The following BTRC variants were observed in gnomAD, a reference collection of about 807,000 sequenced individuals.
BTRC encodes the protein F-box/WD repeat-containing protein 1A.
BTRC carries 42 observed loss-of-function variants against 85.5 expected under a neutral mutation model. The ratio of observed to expected loss-of-function variants is 0.49; its 90% CI spans 0.38 to 0.64. BTRC has a LOEUF of 0.64. BTRC is among the 30% of genes least tolerant of loss of function. The pLI, the probability that BTRC is intolerant of heterozygous loss-of-function variation, is 0.00. For synonymous variants in BTRC, 255 were observed against 263.3 expected, an observed-to-expected ratio of 0.97 and a Z score of 0.30; for missense variants, 594 against 743.5, an observed-to-expected ratio of 0.80 and a Z score of 2.34.
Position 101,474,858 on chromosome 10 carries a change from A to T in BTRC, c.235-4510A>T, listed in dbSNP as rs1945635257. Among the ~76,000 whole-genome samples, 6 of 152,186 alleles carry T rather than the reference A, an allele frequency of 3.9e-5. No homozygotes were observed. In the South Asian group the frequency reaches 1.2e-3, roughly 32 times the overall value. On this transcript the variant is annotated intron_variant, in intron 3 of 14. Coordinates refer to ENST00000370187, the MANE Select transcript of BTRC (RefSeq NM_033637.4). ...TTCCGTCTTTTTTAAGTCGATCTCCAGTGCCTTTATGTAGCTTTAAAATGT... is the reference window on the plus strand; with the variant it reads ...TTCCGTCTTTTTTAAGTCGATCTCCTGTGCCTTTATGTAGCTTTAAAATGT...
chr10:101,389,372 AAC>A lies in BTRC; in HGVS notation c.48+35146_48+35147del, dbSNP rs1391027357. Among the ~76,000 whole-genome samples, 11 of 152,014 alleles carry A rather than the reference AAC, an allele frequency of 7.2e-5. No individual in the cohort carries two copies. In the South Asian group the frequency reaches 2.1e-3, roughly 29 times the overall value. On this transcript the variant is annotated intron_variant, in intron 1 of 14. Coordinates refer to ENST00000370187, the MANE Select transcript of BTRC (RefSeq NM_033637.4). ...TATCATTTCTTTTATGGAAAAGTTT[AAC>A]AGTTTTCTAGCTACTCTCCCCTTTA...
intron 4 of BTRC, among the ~76,000 whole-genome samples, chr10:101,483,131 G>C: frequency 6.6e-6 from 1 of 152,122 alleles, no homozygotes; most frequent in East Asian, 1.9e-4. Context: ...TACCTTGATT[G>C]TAACTCTTTG....
Position 101,557,245 on chromosome 10 carries a change from G to C in BTRC, c.*4122G>C, listed in dbSNP as rs1443317218. The C allele has an allele frequency of 6.6e-6, 1 of 152,114 alleles. No individual in the cohort carries two copies. The highest frequency in any genetic ancestry group is 1.9e-4 in the East Asian group (1 of 5,204). The allele number at this position is 152,114 out of a possible 1,614,324, so 9.4% of individuals were successfully genotyped here. The stretch of plus-strand genomic sequence containing the variant: ...GTTCACAACCTAGGATCATGATAAT[G>C]GAGTGTGTTTTGGGTTTTTTTTAAC... On this transcript the variant is annotated 3_prime_UTR_variant, in exon 15 of 15. Transcript: ENST00000370187.
chr10:101,515,489 T>G (rs2062011439), intron 4 of BTRC, among the ~76,000 whole-genome samples: 1 of 151,442 alleles, frequency 6.6e-6, no homozygotes, highest in Non-Finnish European at 1.5e-5. Flanking sequence ...AGTTTTCAAT[T>G]TATAAGTATT....
chr10:101,381,529 T>A (rs1942927667), intron 1 of BTRC, among the ~76,000 whole-genome samples: 2 of 152,234 alleles, frequency 1.3e-5, no homozygotes, highest in Non-Finnish European at 2.9e-5. Context: ...AAGTTATATG[T>A]GAACTGTAGA....
At chr10:101,537,185 A>G (rs2062399158) in intron 12 of BTRC, among the ~76,000 whole-genome samples, 2 of 152,142 alleles carry the variant, frequency 1.3e-5, no homozygotes, top group South Asian at 4.1e-4. Context: ...GAATCCATTA[A>G]TTTTGTGAAT....
intron 4 of BTRC, among the ~76,000 whole-genome samples, chr10:101,490,450 G>A (rs987075046): frequency 2.0e-5 from 3 of 152,158 alleles, no homozygotes; most frequent in Admixed American, 6.5e-5. Flanking sequence ...AACGAGGAAC[G>A]AGAAGCTTAG....
At position 101,366,766 on chromosome 10, in the gene BTRC, T is replaced by TTATATA. The variant is rs375980263; in HGVS notation, c.48+12556_48+12561dup. Among the ~76,000 whole-genome samples, 498 of 50,930 alleles carry TTATATA rather than the reference T, an allele frequency of 9.8e-3. 12 individuals carry two copies. The highest frequency in any genetic ancestry group is 0.039 in the Admixed American group (108 of 2,764). The allele number at this position is 50,930 out of a possible 152,430, so 33.4% of individuals were successfully genotyped here. ...CCCAGGGAGTTTGGACTTAATCTAG[T>TTATATA]TATATATATATATATATATATATTT... On this transcript the variant is annotated intron_variant, in intron 1 of 14. Coordinates refer to ENST00000370187, the MANE Select transcript of BTRC (RefSeq NM_033637.4).
At chr10:101,528,845 A>G (rs751756890) in intron 6 of BTRC, among the ~76,000 whole-genome samples, 1 of 152,208 alleles carries the variant, frequency 6.6e-6, no homozygotes, top group Non-Finnish European at 1.5e-5. Context: ...CTAACCAAAA[A>G]TAGTAAGTAA....
chr10:101,463,914 T>G (rs538218704), intron 3 of BTRC, among the ~76,000 whole-genome samples: 1 of 150,136 alleles, frequency 6.7e-6, no homozygotes, highest in South Asian at 2.1e-4. Flanking sequence ...AAAATAATTG[T>G]TTAGTAAATA....
At chr10:101,543,454 G>GT (rs201527753) in intron 13 of BTRC, among the ~76,000 whole-genome samples, 2,626 of 141,196 alleles carry the variant, frequency 0.019, 68 homozygotes, top group South Asian at 0.067. Flanking sequence ...GTTGGGCCAT[G>GT]TTTTTTTTTG....
At chr10:101,507,007 G>A (rs1946559778) in intron 4 of BTRC, among the ~76,000 whole-genome samples, 2 of 152,104 alleles carry the variant, frequency 1.3e-5, no homozygotes, top group Admixed American at 6.6e-5. Context: ...TTTTTTGAAG[G>A]ATTTTATGCC....
chr10:101,449,276 A>T (rs1001413075), intron 2 of BTRC, among the ~76,000 whole-genome samples: 6 of 152,054 alleles, frequency 3.9e-5, no homozygotes, highest in African/African-American at 1.4e-4. Flanking sequence ...GTCATTTAGC[A>T]AAAAGAAACA....
chr10:101,494,902 ACAT>A (rs1426620419), intron 4 of BTRC, among the ~76,000 whole-genome samples: 7 of 152,244 alleles, frequency 4.6e-5, no homozygotes, highest in East Asian at 1.9e-4. Context: ...GGAGGCAGTG[ACAT>A]CATCATAATT....
intron 1 of BTRC, among the ~76,000 whole-genome samples, chr10:101,376,133 C>T (rs557112933): frequency 6.6e-6 from 1 of 152,310 alleles, no homozygotes; most frequent in Admixed American, 6.5e-5. Flanking sequence ...TGAGACCAGT[C>T]TGGCCAATGT....
At chr10:101,530,008 C>T (rs992340706) in intron 6 of BTRC, among the ~76,000 whole-genome samples, 1 of 152,198 alleles carries the variant, frequency 6.6e-6, no homozygotes, top group Non-Finnish European at 1.5e-5. Flanking sequence ...GGGTTCTTAA[C>T]TTCCGGATGA....
intron 3 of BTRC, among the ~76,000 whole-genome samples, chr10:101,463,892 CT>C (rs907236256): frequency 6.6e-6 from 1 of 150,762 alleles, no homozygotes. Flanking sequence ...ATGAACACTT[CT>C]TTTTTTTATA....
intron 13 of BTRC, among the ~76,000 whole-genome samples, chr10:101,544,772 A>G (rs989906251): frequency 2.6e-5 from 4 of 152,160 alleles, no homozygotes; most frequent in Admixed American, 6.5e-5. Flanking sequence ...AAATAATTCT[A>G]TATAGGCCAG....
intron 2 of BTRC, among the ~76,000 whole-genome samples, chr10:101,438,222 T>G (rs192295060): frequency 1.6e-4 from 24 of 151,848 alleles, no homozygotes; most frequent in Admixed American, 3.9e-4. Flanking sequence ...GTCAGGAGAT[T>G]GAGACCATCC....
Sources: allele counts gnomAD v4.1 joint callset (sites outside exome capture counted in the v4.1 genomes callset), GRCh38; gene constraint gnomAD v4.1.1; transcripts MANE v1.5; gene names NCBI Gene and HGNC (gene_info 2026-07-23, HGNC 2026-07-21).